CFH: variants seen among roughly 807,000 people sequenced by gnomAD.
The protein encoded by CFH is H factor 1 (complement).
Under a neutral mutation model 147.3 loss-of-function variants are expected in CFH, and 53 were observed. The observed-to-expected ratio is 0.36, with a 90% CI of 0.29 to 0.45. CFH has a LOEUF of 0.45. Ranked by LOEUF, CFH falls within the 20% of genes least tolerant of loss-of-function variation. The probability of loss-of-function intolerance (pLI) is 1.00; values close to 1 mark genes in which losing one functional copy is unlikely to be tolerated. For missense variants in CFH, 1,380 were observed against 1,498.0 expected (o/e 0.92, Z 1.30); for synonymous variants, 536 against 489.4 (o/e 1.10, Z -1.26).
intron 9 of CFH, among the ~76,000 whole-genome samples, chr1:196,708,879 C>G (rs203684): frequency 6.6e-6 from 1 of 152,138 alleles, no homozygotes; most frequent in Non-Finnish European, 1.5e-5. Flanking sequence ...CTAGGCATCA[C>G]GAGTCCTAGC....
chr1:196,675,074 A>C (rs191944013), intron 3 of CFH, among the ~76,000 whole-genome samples: 47 of 152,204 alleles, frequency 3.1e-4, no homozygotes, highest in African/African-American at 1.1e-3. Flanking sequence ...CTGGGGCTGA[A>C]TTTTTTAATT....
intron 1 of CFH, among the ~76,000 whole-genome samples, chr1:196,653,244 T>C (rs1000380928): frequency 3.3e-5 from 5 of 151,792 alleles, no homozygotes; most frequent in African/African-American, 1.2e-4. Flanking sequence ...TTATTTTCAG[T>C]TATATTTTCT....
intron 11 of CFH, among the ~76,000 whole-genome samples, chr1:196,716,846 A>C (rs16840465): frequency 0.018 from 2,804 of 152,208 alleles, 89 homozygotes; most frequent in African/African-American, 0.064. Flanking sequence ...ACTTGGACAC[A>C]TTATGATTGA....
chr1:196,702,888 T>G (rs1204934087), intron 9 of CFH, among the ~76,000 whole-genome samples: 1 of 152,102 alleles, frequency 6.6e-6, no homozygotes, highest in Admixed American at 6.6e-5. Flanking sequence ...AGAAGCCTAA[T>G]GAGGGTTGCT....
Position 196,679,711 on chromosome 1 carries a change from A to G in CFH, c.708A>G (p.Lys236=), listed in dbSNP as rs201427724. 3.1e-6 allele frequency: 5 copies of G among 1,611,340 alleles called. No individual in the cohort carries two copies. The East Asian group carries it at 8.9e-5, about 29-fold the overall frequency. ...IYKENERFQY[K]CNMGYEYSER... is the part of the protein sequence containing the mutation. ...AGGAGAATGAACGATTTCAATATAA[A>G]TGTAACATGGGTTATGAATACAGTG... The change falls in exon 6 of 22, where the codon AAA becomes AAG. Residue 236 remains lysine, a synonymous_variant. Transcript: ENST00000367429.
intron 6 of CFH, among the ~76,000 whole-genome samples, chr1:196,680,882 T>C (rs557859626): frequency 2.2e-4 from 34 of 151,896 alleles, no homozygotes; most frequent in Non-Finnish European, 4.0e-4. Flanking sequence ...GGAAAACATA[T>C]TTTTCTTCAC....
intron 9 of CFH, among the ~76,000 whole-genome samples, chr1:196,694,260 G>T (rs1668171322): frequency 6.6e-6 from 1 of 151,998 alleles, no homozygotes; most frequent in Non-Finnish European, 1.5e-5. Context: ...GTGGTGTTTT[G>T]TTTTCTGTTC....
At chr1:196,679,877 C>A in intron 6 of CFH, 84 bp downstream of exon 6, 1 of 1,246,746 alleles carries the variant, frequency 8.0e-7, no homozygotes, top group Non-Finnish European at 1.1e-6. Context: ...TTATTTTAAT[C>A]AAAAGTAGAG....
chr1:196,741,951 T>C lies in CFH; in HGVS notation c.3033T>C (p.Gly1011=). 1 of 1,614,176 alleles carries C rather than the reference T, an allele frequency of 6.2e-7. No individual in the cohort carries two copies. Among genetic ancestry groups the C allele is most frequent in the Non-Finnish European group, 8.5e-7 (1 of 1,180,014 alleles). Residue 1011 remains glycine, a synonymous_variant, in exon 19 of 22, where the codon GGT becomes GGC. Transcript: ENST00000367429. ...AGAAGAAGGATGTGTATAAGGCGGG[T>C]GAGCAAGTGACTTACACTTGTGCAA... ...MGEKKDVYKA[G]EQVTYTCATY... is the part of the protein sequence containing the mutation.
intron 1 of CFH, among the ~76,000 whole-genome samples, chr1:196,660,255 G>C (rs1300007481): frequency 1.3e-5 from 2 of 152,184 alleles, no homozygotes; most frequent in African/African-American, 4.8e-5. Context: ...AGTTTGAAAT[G>C]CTCAACAAAA....
At chr1:196,734,339 G>C (rs1366021668) in intron 15 of CFH, among the ~76,000 whole-genome samples, 1 of 151,990 alleles carries the variant, frequency 6.6e-6, no homozygotes, top group Non-Finnish European at 1.5e-5. Flanking sequence ...TGGAAGAAGA[G>C]TCAGGAGCTT....
chr1:196,666,804 C>CAAA (rs10616982), intron 1 of CFH, among the ~76,000 whole-genome samples: 4 of 84,046 alleles, frequency 4.8e-5, no homozygotes, highest in Admixed American at 2.5e-4. Flanking sequence ...GACTCCGTCT[C>CAAA]AAAAAAAAAA....
intron 6 of CFH, among the ~76,000 whole-genome samples, chr1:196,683,781 T>C (rs539744470): frequency 2.0e-5 from 3 of 151,934 alleles, no homozygotes; most frequent in African/African-American, 7.2e-5. Flanking sequence ...TATAGGAAAC[T>C]CACTACTGCT....
intron 6 of CFH, among the ~76,000 whole-genome samples, chr1:196,680,817 T>G (rs549024411): frequency 4.6e-5 from 7 of 152,044 alleles, no homozygotes; most frequent in South Asian, 2.1e-4. Context: ...TAGTTAATTT[T>G]GGGTTAATTT....
intron 1 of CFH, among the ~76,000 whole-genome samples, chr1:196,661,698 G>A (rs995272531): frequency 6.6e-6 from 1 of 152,150 alleles, no homozygotes; most frequent in Admixed American, 6.5e-5. Context: ...ATTGGGGGTT[G>A]TGGGGAGGTT....
chr1:196,657,227 A>G (rs1030267801), intron 1 of CFH, among the ~76,000 whole-genome samples: 10 of 152,148 alleles, frequency 6.6e-5, no homozygotes, highest in African/African-American at 2.4e-4. Flanking sequence ...TCTTTAAACA[A>G]TTCTTTACTC....
intron 1 of CFH, among the ~76,000 whole-genome samples, chr1:196,655,305 T>C (rs894679482): frequency 6.6e-6 from 1 of 152,096 alleles, no homozygotes; most frequent in African/African-American, 2.4e-5. Flanking sequence ...GTGAGTGCTA[T>C]AAGAGAAGGG....
chr1:196,677,822 T>C, intron 5 of CFH, 155 bp downstream of exon 5: 1 of 695,726 alleles, frequency 1.4e-6, no homozygotes, highest in Non-Finnish European at 2.5e-6. Flanking sequence ...GTTCTTTGCA[T>C]GCATCATTTC....
chr1:196,708,802 C>T (rs930869873), intron 9 of CFH, among the ~76,000 whole-genome samples: 1 of 152,066 alleles, frequency 6.6e-6, no homozygotes, highest in Non-Finnish European at 1.5e-5. Flanking sequence ...AAATATTCTG[C>T]CCATTTTCCC....
Sources: gnomAD v4.1 joint callset for allele counts (sites outside exome capture counted in the v4.1 genomes callset) on GRCh38, gnomAD v4.1.1 for gene constraint, MANE v1.5 for transcripts, NCBI Gene and HGNC (gene_info 2026-07-23, HGNC 2026-07-21) for gene names.